Variants in ATP9A observed in about 807,000 individuals in gnomAD.
ATP9A encodes the protein probable phospholipid-transporting ATPase IIA.
Under a neutral mutation model 144.1 loss-of-function variants are expected in ATP9A, and 52 were observed. That is an observed-to-expected ratio of 0.36 (90% CI 0.29 to 0.45). The LOEUF is 0.45. Among genes scored for constraint, ATP9A ranks in the 20% least tolerant of loss-of-function variants. ATP9A has a pLI of 1.00. For missense variants in ATP9A, 947 were observed against 1,392.7 expected, an observed-to-expected ratio of 0.68 and a Z score of 5.09; for synonymous variants, 582 against 557.4, an observed-to-expected ratio of 1.04 and a Z score of -0.62.
chr20:51,703,326 CT>C (rs1355014318), intron 4 of ATP9A, among the ~76,000 whole-genome samples: 6 of 152,184 alleles, frequency 3.9e-5, no homozygotes, highest in Non-Finnish European at 8.8e-5. Flanking sequence ...TGAACTTTTC[CT>C]GTAACACCCC....
At chr20:51,707,169 C>T (rs960615707) in intron 4 of ATP9A, among the ~76,000 whole-genome samples, 1 of 152,116 alleles carries the variant, frequency 6.6e-6, no homozygotes, top group Non-Finnish European at 1.5e-5. Flanking sequence ...CAGGTGGGTC[C>T]CGTACTTGGT....
Position 51,674,163 on chromosome 20 carries a change from T to C in ATP9A, c.1027A>G (p.Ile343Val), listed in dbSNP as rs1282044752. 1 of 1,613,702 alleles carries C rather than the reference T, an allele frequency of 6.2e-7. No individual in the cohort carries two copies. Among genetic ancestry groups the C allele is most frequent in the Non-Finnish European group, 8.5e-7 (1 of 1,179,872 alleles). The change falls in exon 11 of 28, where the codon ATC (isoleucine) becomes GTC (valine). Residue 343 changes from isoleucine to valine, a missense_variant. By Grantham distance (29) the Ile-to-Val change is conservative. This residue lies in a region of ATP9A where 770 missense variants were observed against 1,047.9 expected (regional missense o/e 0.73). Coordinates refer to ENST00000338821, the MANE Select transcript of ATP9A (RefSeq NM_006045.3). ...IRFLLLFSNIIPISLRVNLDM... is the reference protein window; with the variant it reads ...IRFLLLFSNIVPISLRVNLDM... ...TCGTCGCCTGCTTACCTAATGGGGA[T>C]GATGTTGGAAAACAAGAGGAGGAAG...
intron 4 of ATP9A, among the ~76,000 whole-genome samples, chr20:51,710,157 G>C (rs943342077): frequency 2.4e-4 from 37 of 152,134 alleles, no homozygotes; most frequent in Non-Finnish European, 4.3e-4. Flanking sequence ...CAAAAAATTA[G>C]CTGGGTGTAG....
At chr20:51,759,755 T>A (rs912056934) in intron 1 of ATP9A, among the ~76,000 whole-genome samples, 1 of 152,096 alleles carries the variant, frequency 6.6e-6, no homozygotes, top group African/African-American at 2.4e-5. Flanking sequence ...TCTAATACTA[T>A]CTCCACTTTG....
chr20:51,658,897 G>GGGC lies in ATP9A; in HGVS notation c.1294-1748_1294-1747insGCC, dbSNP rs1568807234. ...AAATTAAGACCACTGGCGGGGGGGG[G>GGGC]GGGGGGAAGGCTCATTGTTGAACAC... On this transcript the variant is annotated intron_variant, in intron 13 of 27. Transcript: ENST00000338821. Among the ~76,000 whole-genome samples, 7 of 133,446 alleles carry GGGC rather than the reference G, an allele frequency of 5.2e-5. 2 individuals carry two copies. The highest frequency in any genetic ancestry group is 5.4e-4 in the East Asian group (2 of 3,694). 87.5% of individuals were successfully genotyped at this position (133,446 alleles called of 152,430 possible).
At chr20:51,730,239 T>A (rs1256648533) in intron 1 of ATP9A, among the ~76,000 whole-genome samples, 1 of 151,910 alleles carries the variant, frequency 6.6e-6, no homozygotes, top group Non-Finnish European at 1.5e-5. Flanking sequence ...GAGGCCGAGG[T>A]GGGCAGACCA....
chr20:51,753,514 T>C (rs2077842276), intron 1 of ATP9A, among the ~76,000 whole-genome samples: 2 of 152,074 alleles, frequency 1.3e-5, no homozygotes, highest in Non-Finnish European at 2.9e-5. Flanking sequence ...TGGTTCCTAG[T>C]CATAAAACAA....
Position 51,598,015 on chromosome 20 carries a change from C to T in ATP9A, c.*3196G>A, listed in dbSNP as rs1026281025. 3 of 152,046 alleles carry T rather than the reference C, an allele frequency of 2.0e-5. No homozygotes were observed. The highest frequency in any genetic ancestry group is 4.8e-5 in the African/African-American group (2 of 41,382). 9.4% of individuals were successfully genotyped at this position (152,046 alleles called of 1,614,324 possible). A position where few individuals can be genotyped will look rare whatever the true frequency, so the allele number is the denominator to read the frequency against. On this transcript the variant is annotated 3_prime_UTR_variant, in exon 28 of 28. Transcript: ENST00000338821. Reference sequence around the variant, plus strand: ...AGGTCTGCTCCAACTTTAAGATGCGCCCTTGGGATGCCTTCCAAGCAGCTG... The same window carrying T: ...AGGTCTGCTCCAACTTTAAGATGCGTCCTTGGGATGCCTTCCAAGCAGCTG...
chr20:51,609,989 G>A (rs780287764), intron 24 of ATP9A, 112 bp downstream of exon 24: 25 of 889,744 alleles, frequency 2.8e-5, no homozygotes, highest in Non-Finnish European at 4.0e-5. Flanking sequence ...CTGGGGCTGG[G>A]AATCCAATGT....
intron 13 of ATP9A, among the ~76,000 whole-genome samples, chr20:51,663,934 AAAAT>A (rs1234233355): frequency 2.0e-5 from 3 of 152,190 alleles, no homozygotes; most frequent in South Asian, 2.1e-4. Flanking sequence ...TGTGTGTAGA[AAAAT>A]AAATCACAAA....
intron 1 of ATP9A, among the ~76,000 whole-genome samples, chr20:51,758,840 G>A (rs1166958111): frequency 3.9e-5 from 6 of 152,150 alleles, no homozygotes; most frequent in Admixed American, 2.6e-4. Context: ...AAGGAGAATC[G>A]CTTGAACTCG....
chr20:51,665,876 G>C (rs865897802), intron 13 of ATP9A, among the ~76,000 whole-genome samples: 2 of 152,158 alleles, frequency 1.3e-5, no homozygotes, highest in African/African-American at 2.4e-5. Flanking sequence ...TTTCCTGCAG[G>C]AATCTTTTAA....
rs2077131847 is a variant in ATP9A, at chr20:51,599,167, C to A, written c.*2044G>T. ...CTCCCACACGCCCTGCCTGCAGGAG[C>A]CAGCATCCCGAATCTCCGAGCAAAG... On this transcript the variant is annotated 3_prime_UTR_variant, in exon 28 of 28. Coordinates refer to ENST00000338821, the MANE Select transcript of ATP9A (RefSeq NM_006045.3). The A allele has an allele frequency of 6.6e-6, 1 of 152,258 alleles. No homozygotes were observed. Among genetic ancestry groups the A allele is most frequent in the Non-Finnish European group, 1.5e-5 (1 of 68,064 alleles). 9.4% of individuals were successfully genotyped at this position (152,258 alleles called of 1,614,324 possible).
chr20:51,615,155 G>C (rs1446070945), intron 22 of ATP9A, among the ~76,000 whole-genome samples: 1 of 152,086 alleles, frequency 6.6e-6, no homozygotes, highest in Non-Finnish European at 1.5e-5. Context: ...GAATGTCCTT[G>C]TTCTAAAGAG....
intron 9 of ATP9A, among the ~76,000 whole-genome samples, chr20:51,678,125 G>A (rs1368916223): frequency 1.3e-5 from 2 of 150,340 alleles, no homozygotes; most frequent in Non-Finnish European, 3.0e-5. Flanking sequence ...ACAGGACTGG[G>A]TGGCAGGGCG....
intron 14 of ATP9A, among the ~76,000 whole-genome samples, chr20:51,655,061 C>T (rs905389892): frequency 6.6e-6 from 1 of 152,188 alleles, no homozygotes; most frequent in Non-Finnish European, 1.5e-5. Context: ...TTGCAAAATA[C>T]TTATAAATAT....
chr20:51,721,375 C>A (rs1379226855), intron 3 of ATP9A, among the ~76,000 whole-genome samples: 1 of 152,186 alleles, frequency 6.6e-6, no homozygotes, highest in South Asian at 2.1e-4. Flanking sequence ...AATCCTAGCA[C>A]CTTGGAAGGC....
At chr20:51,637,306 T>TAAAAAAAAAAAAAAAAAAAA (rs3029335) in intron 15 of ATP9A, among the ~76,000 whole-genome samples, 1 of 89,946 alleles carries the variant, frequency 1.1e-5, no homozygotes. Flanking sequence ...TCCCTAACAT[T>TAAAAAAAAAAAAAAAAAAAA]AAAAAAAAAA....
Position 51,625,398 on chromosome 20 carries a change from G to A in ATP9A, c.1846-36C>T, listed in dbSNP as rs770203376. 10 of 1,590,306 alleles carry A rather than the reference G, an allele frequency of 6.3e-6. No homozygotes were observed. In the South Asian group the frequency reaches 8.0e-5, roughly 13 times the overall value. ...CCAGCAGATGCAGTCACTGCTTAGGGTGAGGAGAGGCCAGGCTGACTGGCC... is the reference window on the plus strand; with the variant it reads ...CCAGCAGATGCAGTCACTGCTTAGGATGAGGAGAGGCCAGGCTGACTGGCC... On this transcript the variant is annotated intron_variant, in intron 17 of 27. Transcript: ENST00000338821.
Sources: allele counts gnomAD v4.1 joint callset (sites outside exome capture counted in the v4.1 genomes callset), GRCh38; gene constraint gnomAD v4.1.1; regional missense constraint gnomAD v4.1.1; transcripts MANE v1.5; gene names NCBI Gene and HGNC (gene_info 2026-07-23, HGNC 2026-07-21).